ADAMTSL3: variants seen among roughly 807,000 people sequenced by gnomAD.
ADAMTSL3 encodes the protein ADAMTS-like protein 3.
ADAMTSL3 carries 128 observed loss-of-function variants against 201.7 expected under a neutral mutation model. The ratio of observed to expected loss-of-function variants is 0.63; its 90% CI spans 0.55 to 0.73. The LOEUF (loss-of-function observed/expected upper bound fraction) is 0.73, where lower values mean the gene tolerates loss of function less well. ADAMTSL3 is among the 30% of genes least tolerant of loss of function. The pLI, the probability that ADAMTSL3 is intolerant of heterozygous loss-of-function variation, is 0.00. For synonymous variants in ADAMTSL3, 738 were observed against 748.4 expected (o/e 0.99, Z 0.23); for missense variants, 1,990 against 2,119.6 (o/e 0.94, Z 1.20).
At chr15:83,942,135 T>C (rs542109025) in intron 17 of ADAMTSL3, among the ~76,000 whole-genome samples, 1 of 152,356 alleles carries the variant, frequency 6.6e-6, no homozygotes, top group Non-Finnish European at 1.5e-5. Context: ...ATTATATATA[T>C]GTTGTAAATC....
chr15:83,991,055 T>G, intron 22 of ADAMTSL3, 31 bp from the exon 23 acceptor site: 2 of 1,613,840 alleles, frequency 1.2e-6, no homozygotes, highest in Non-Finnish European at 1.7e-6. Context: ...AGCCTGAACC[T>G]AACATAGTTT....
At position 83,677,167 on chromosome 15, in the gene ADAMTSL3, A is replaced by C. The variant is rs144890123; in HGVS notation, c.69+21337A>C. ...GTCTGATTTTAATCCTTTTAAATTC[A>C]CTGAAGTTTGTTTTGTGTCCAATAA... is the stretch of plus-strand genomic sequence containing the variant. On this transcript the variant is annotated intron_variant, in intron 2 of 29. Coordinates refer to ENST00000286744, the MANE Select transcript of ADAMTSL3 (RefSeq NM_207517.3). Among the ~76,000 whole-genome samples the C allele has an allele frequency of 5.4e-3, 827 of 152,282 alleles. 6 individuals are homozygous for C. The highest frequency in any genetic ancestry group is 6.8e-3 in the Non-Finnish European group (461 of 68,024).
intron 10 of ADAMTSL3, among the ~76,000 whole-genome samples, chr15:83,886,267 T>A (rs1170371115): frequency 2.0e-5 from 3 of 152,204 alleles, no homozygotes; most frequent in African/African-American, 7.2e-5. Flanking sequence ...CCAGGAACCA[T>A]GACTTAGTAG....
chr15:84,037,999 T>C lies in ADAMTSL3; in HGVS notation c.*193T>C. The C allele has an allele frequency of 1.2e-6, 1 of 838,366 alleles. No homozygotes were observed. Among genetic ancestry groups the C allele is most frequent in the Non-Finnish European group, 1.8e-6 (1 of 570,430 alleles). 51.9% of individuals were successfully genotyped at this position (838,366 alleles called of 1,614,324 possible). A position where few individuals can be genotyped will look rare whatever the true frequency, so the allele number is the denominator to read the frequency against. On this transcript the variant is annotated 3_prime_UTR_variant, in exon 30 of 30. Transcript: ENST00000286744. Reference sequence around the variant, plus strand: ...CAATGGTAGTTTTATATTCCAATTTTTTAAAATGATGTATTCAAGGATGAA... The same window carrying C: ...CAATGGTAGTTTTATATTCCAATTTCTTAAAATGATGTATTCAAGGATGAA...
At chr15:83,738,148 G>A (rs1359285786) in intron 3 of ADAMTSL3, among the ~76,000 whole-genome samples, 4 of 152,300 alleles carry the variant, frequency 2.6e-5, no homozygotes, top group Non-Finnish European at 4.4e-5. Flanking sequence ...GTGCAAGAAA[G>A]ATGGATGAAC....
intron 4 of ADAMTSL3, among the ~76,000 whole-genome samples, chr15:83,803,995 T>G (rs1216300128): frequency 5.9e-5 from 9 of 152,090 alleles, no homozygotes; most frequent in Non-Finnish European, 1.5e-5. Flanking sequence ...ATACAAAAAT[T>G]AGCCAGGCAC....
Position 83,848,209 on chromosome 15 carries a change from A to C in ADAMTSL3, c.727+9994A>C, listed in dbSNP as rs571606858. Among the ~76,000 whole-genome samples the C allele has an allele frequency of 2.6e-5, 4 of 152,330 alleles. 1 individual carries two copies. The South Asian group carries it at 8.3e-4, about 32-fold the overall frequency. ...AAAAAATAAACAAAACAAAAATAGA[A>C]AGTGGGGATGAGGTTGTCAAAGTGA... On this transcript the variant is annotated intron_variant, in intron 7 of 29. Transcript: ENST00000286744.
intron 15 of ADAMTSL3, among the ~76,000 whole-genome samples, chr15:83,911,475 C>G (rs1455102448): frequency 1.3e-5 from 2 of 152,154 alleles, no homozygotes; most frequent in East Asian, 3.9e-4. Context: ...CGTCTTTAAC[C>G]AGTCTCCTTC....
At chr15:83,715,752 C>T (rs906155396) in intron 3 of ADAMTSL3, among the ~76,000 whole-genome samples, 11 of 152,212 alleles carry the variant, frequency 7.2e-5, no homozygotes, top group Non-Finnish European at 1.6e-4. Flanking sequence ...AAAGCCCCTG[C>T]ACAGCTTGGC....
At chr15:83,961,612 C>T (rs2066971260) in intron 19 of ADAMTSL3, 1 of 152,170 alleles carries the variant, frequency 6.6e-6, no homozygotes, top group Admixed American at 6.5e-5. Context: ...AGGATCTACA[C>T]AATTCTAAAG....
chr15:83,699,189 G>T (rs2061731484), intron 2 of ADAMTSL3, among the ~76,000 whole-genome samples: 1 of 152,000 alleles, frequency 6.6e-6, no homozygotes, highest in South Asian at 2.1e-4. Flanking sequence ...TTTCCTTTCT[G>T]AGCTCTGGAC....
chr15:83,903,917 C>CAAAAAAAAAA (rs1168502648), intron 15 of ADAMTSL3, among the ~76,000 whole-genome samples: 112 of 19,276 alleles, frequency 5.8e-3, no homozygotes, highest in Non-Finnish European at 7.3e-3. Context: ...GACTCCACAT[C>CAAAAAAAAAA]AAAAAAAAAA....
chr15:83,861,761 G>C lies in ADAMTSL3; in HGVS notation c.802+2921G>C, dbSNP rs1269542622. Reference sequence around the variant, plus strand: ...AGCTCCTCACCAGCAACGGAACAAAGCTGGATGGAGAATGACTTTGACGAG... The same window carrying C: ...AGCTCCTCACCAGCAACGGAACAAACCTGGATGGAGAATGACTTTGACGAG... On this transcript the variant is annotated intron_variant, in intron 8 of 29. Coordinates refer to ENST00000286744, the MANE Select transcript of ADAMTSL3 (RefSeq NM_207517.3). 2.0e-5 allele frequency: 3 copies of C among 152,356 alleles called. No individual in the cohort carries two copies. In the East Asian group the frequency reaches 5.8e-4, roughly 29 times the overall value. 9.4% of individuals were successfully genotyped at this position (152,356 alleles called of 1,614,324 possible). A position where few individuals can be genotyped will look rare whatever the true frequency, so the allele number is the denominator to read the frequency against.
intron 3 of ADAMTSL3, among the ~76,000 whole-genome samples, chr15:83,709,863 C>T (rs914287410): frequency 5.3e-5 from 8 of 152,114 alleles, no homozygotes; most frequent in African/African-American, 1.9e-4. Context: ...GCTTCCTCCT[C>T]ACTGGCAGCC....
At chr15:83,988,655 T>C in intron 21 of ADAMTSL3, 36 bp from the exon 22 acceptor site, 1 of 1,526,388 alleles carries the variant, frequency 6.6e-7, no homozygotes, top group African/African-American at 1.4e-5. Context: ...AGTTAAATTG[T>C]TATATGAATG....
intron 3 of ADAMTSL3, among the ~76,000 whole-genome samples, chr15:83,720,256 T>C (rs532709846): frequency 6.6e-6 from 1 of 152,084 alleles, no homozygotes; most frequent in East Asian, 1.9e-4. Flanking sequence ...GAAAACATGT[T>C]CACTTTTTTG....
intron 3 of ADAMTSL3, among the ~76,000 whole-genome samples, chr15:83,738,318 G>A (rs1212211961): frequency 6.6e-6 from 1 of 152,148 alleles, no homozygotes; most frequent in Non-Finnish European, 1.5e-5. Flanking sequence ...CTCAGAGGAA[G>A]CCAATGTTAT....
intron 2 of ADAMTSL3, 117 bp downstream of exon 2, chr15:83,655,947 C>T: frequency 9.1e-7 from 1 of 1,097,226 alleles, no homozygotes. Context: ...ACCAGAGAAC[C>T]AGACTTTCTT....
At chr15:83,945,877 G>A (rs1355800861) in intron 19 of ADAMTSL3, 1 of 152,214 alleles carries the variant, frequency 6.6e-6, no homozygotes, top group Non-Finnish European at 1.5e-5. Flanking sequence ...CTTGCAGTGT[G>A]AGAAGTGTTT....
Sources: allele counts gnomAD v4.1 joint callset (sites outside exome capture counted in the v4.1 genomes callset), GRCh38; gene constraint gnomAD v4.1.1; transcripts MANE v1.5; gene names NCBI Gene and HGNC (gene_info 2026-07-23, HGNC 2026-07-21).